The following AIM2 variants were observed in gnomAD, a reference collection of about 807,000 sequenced individuals.
AIM2 encodes absent in melanoma 2, also known as interferon-inducible protein AIM2.
In AIM2, 30 loss-of-function variants were observed where a neutral mutation model predicts 27.7. The ratio of observed to expected loss-of-function variants is 1.08; its 90% CI spans 0.81 to 1.47. The LOEUF is 1.47. AIM2 is among the 40% of genes most tolerant of loss of function. AIM2 has a pLI of 0.00. For synonymous variants in AIM2, 141 were observed against 145.3 expected (o/e 0.97, Z 0.21); for missense variants, 358 against 411.3 (o/e 0.87, Z 1.12).
chr1:159,073,703 T>A (rs1172497195), intron 1 of AIM2, among the ~76,000 whole-genome samples, 184 bp from the exon 2 acceptor site: 4 of 152,174 alleles, frequency 2.6e-5, no homozygotes, highest in Non-Finnish European at 5.9e-5. Context: ...GGGAAAGACA[T>A]CTTCAGAAAG....
chr1:159,143,319 A>G (rs1046705917), upstream of AIM2, among the ~76,000 whole-genome samples: 3 of 152,128 alleles, frequency 2.0e-5, no homozygotes, highest in Non-Finnish European at 4.4e-5. Flanking sequence ...CCTTCCATCT[A>G]CGACCTAGAG....
chr1:159,137,434 A>G (rs925930279), intron 1 of AIM2, among the ~76,000 whole-genome samples: 1 of 152,268 alleles, frequency 6.6e-6, no homozygotes, highest in East Asian at 1.9e-4. Context: ...AGGCGGGTGG[A>G]TCACTTGATC....
chr1:159,116,834 TA>T (rs879376122), intron 1 of AIM2, among the ~76,000 whole-genome samples: 1,434 of 139,852 alleles, frequency 0.01, 14 homozygotes, highest in African/African-American at 0.03. Context: ...AAAGTATAAT[TA>T]AAAAAAAAAA....
chr1:159,120,825 T>C (rs917970071), intron 1 of AIM2, among the ~76,000 whole-genome samples: 1 of 152,132 alleles, frequency 6.6e-6, no homozygotes, highest in Non-Finnish European at 1.5e-5. Context: ...ATCAACTGTG[T>C]TCCAGTCAAA....
intron 2 of AIM2, among the ~76,000 whole-genome samples, chr1:159,070,794 G>A (rs1225593422): frequency 6.6e-6 from 1 of 152,174 alleles, no homozygotes; most frequent in African/African-American, 2.4e-5. Flanking sequence ...ACCTTCCAAT[G>A]GTAAGTTAGT....
At chr1:159,074,709 A>T (rs2101989390) in intron 1 of AIM2, among the ~76,000 whole-genome samples, 1 of 152,224 alleles carries the variant, frequency 6.6e-6, no homozygotes, top group Middle Eastern at 3.4e-3. Flanking sequence ...AAAATTACAT[A>T]AAAAAAGTAA....
intron 1 of AIM2, among the ~76,000 whole-genome samples, chr1:159,113,845 T>A (rs559684312): frequency 1.3e-5 from 2 of 152,296 alleles, no homozygotes; most frequent in East Asian, 3.9e-4. Context: ...TGATAAGAAG[T>A]TTTGAAAGTT....
intron 1 of AIM2, among the ~76,000 whole-genome samples, chr1:159,130,110 A>G (rs1356226655): frequency 1.3e-5 from 2 of 152,120 alleles, no homozygotes; most frequent in Admixed American, 6.6e-5. Flanking sequence ...TTTTAAAAGC[A>G]TCTGTTCATT....
At position 159,096,067 on chromosome 1, in the gene AIM2, G is replaced by A. The variant is rs80200231; in HGVS notation, c.-15-29738C>T. Reference sequence around the variant, plus strand: ...AGCTGTCTTGGTAGAGTACATCTGGGCTTTGGGATGACTCCACTACCAGAG... The same window carrying A: ...AGCTGTCTTGGTAGAGTACATCTGGACTTTGGGATGACTCCACTACCAGAG... On this transcript the variant is annotated intron_variant, in intron 1 of 2. Coordinates refer to the AIM2 transcript ENST00000368129. Among the ~76,000 whole-genome samples, 1,490 of 152,264 alleles carry A rather than the reference G, an allele frequency of 9.8e-3. 12 individuals are homozygous for A. Among genetic ancestry groups the A allele is most frequent in the Non-Finnish European group, 0.015 (1,037 of 68,016 alleles).
intron 1 of AIM2, among the ~76,000 whole-genome samples, chr1:159,131,568 TC>T (rs1647885746): frequency 6.6e-6 from 1 of 152,206 alleles, no homozygotes; most frequent in Non-Finnish European, 1.5e-5. Context: ...GACACTATAC[TC>T]AGGTTAAGAC....
At chr1:159,089,020 A>AT (rs1376226348) in intron 1 of AIM2, among the ~76,000 whole-genome samples, 25 of 152,348 alleles carry the variant, frequency 1.6e-4, no homozygotes, top group African/African-American at 5.5e-4. Flanking sequence ...AACTTAGTTC[A>AT]TCACCAAACC....
intron 1 of AIM2, among the ~76,000 whole-genome samples, chr1:159,135,277 T>A (rs1215379084): frequency 6.6e-6 from 1 of 152,258 alleles, no homozygotes; most frequent in Non-Finnish European, 1.5e-5. Context: ...TCTGAGTGGA[T>A]AATCAGGGAC....
At chr1:159,140,114 G>A (rs1458295646) in intron 1 of AIM2, among the ~76,000 whole-genome samples, 1 of 152,112 alleles carries the variant, frequency 6.6e-6, no homozygotes, top group East Asian at 1.9e-4. Flanking sequence ...AAAATATCTA[G>A]GATAGGCTGA....
At chr1:159,120,092 CT>C (rs1212021658) in intron 1 of AIM2, among the ~76,000 whole-genome samples, 2 of 151,944 alleles carry the variant, frequency 1.3e-5, no homozygotes, top group African/African-American at 4.8e-5. Flanking sequence ...ATATTTATTT[CT>C]CTTTTCTCAT....
intron 1 of AIM2, among the ~76,000 whole-genome samples, chr1:159,120,633 T>C (rs149849956): frequency 6.8e-4 from 103 of 152,288 alleles, no homozygotes; most frequent in African/African-American, 2.4e-3. Flanking sequence ...AAAACTGCCA[T>C]TGAGGGGAAA....
upstream of AIM2, among the ~76,000 whole-genome samples, chr1:159,141,397 G>T (rs1432359649): frequency 1.3e-5 from 2 of 152,166 alleles, no homozygotes; most frequent in Non-Finnish European, 2.9e-5. Flanking sequence ...ACAGAGAGAA[G>T]CAGCAGACAT....
upstream of AIM2, chr1:159,081,074 T>TA (rs1409063985): frequency 4.9e-6 from 1 of 202,944 alleles, no homozygotes. Context: ...TTTATACTCA[T>TA]AATGATAACT....
chr1:159,132,227 G>T (rs1256048802), intron 1 of AIM2: 16 of 150,812 alleles, frequency 1.1e-4, no homozygotes, highest in Admixed American at 1.1e-3. Flanking sequence ...AAATAGCTGG[G>T]AGTGGTGGCG....
chr1:159,096,437 G>C (rs964342089), intron 1 of AIM2, among the ~76,000 whole-genome samples: 1 of 152,094 alleles, frequency 6.6e-6, no homozygotes, highest in Non-Finnish European at 1.5e-5. Flanking sequence ...ATAAATGTTG[G>C]ATGTGTCATG....
Sources: allele counts gnomAD v4.1 joint callset (sites outside exome capture counted in the v4.1 genomes callset), GRCh38; gene constraint gnomAD v4.1.1; transcripts MANE v1.5; gene names NCBI Gene and HGNC (gene_info 2026-07-23, HGNC 2026-07-21).